Variants in CDK12 observed in about 807,000 individuals in gnomAD.
CDK12 encodes cyclin-dependent kinase 12.
CDK12 carries 17 observed loss-of-function variants against 133.8 expected under a neutral mutation model. The ratio of observed to expected loss-of-function variants is 0.13; its 90% CI spans 0.09 to 0.19. CDK12 has a LOEUF of 0.19. Among genes scored for constraint, CDK12 ranks in the 10% least tolerant of loss-of-function variants. The pLI is 1.00. For synonymous variants in CDK12, 694 were observed against 683.6 expected, an observed-to-expected ratio of 1.02 and a Z score of -0.24; for missense variants, 1,508 against 1,818.7, an observed-to-expected ratio of 0.83 and a Z score of 3.11.
chr17:39,492,888 C>T lies in CDK12; in HGVS notation c.2246C>T (p.Thr749Ile), dbSNP rs151279931. The T allele has an allele frequency of 1.3e-6, 2 of 1,598,748 alleles. No individual in the cohort carries two copies. Among genetic ancestry groups the T allele is most frequent in the Non-Finnish European group, 8.5e-7 (1 of 1,175,470 alleles). The stretch of plus-strand genomic sequence containing the variant: ...GTATATAAAGCCAAGGACAAAGACA[C>T]AGGTAAATATTGCCACAAAATTTTA... ...GQVYKAKDKD[T>I]GELVALKKVR... The change falls in exon 4 of 14, where the codon ACA becomes ATA. Residue 749 changes from threonine (T) to isoleucine (I), a missense_variant and splice_region_variant. Thr to Ile is a moderately conservative substitution (Grantham distance 89). This residue lies in a region of CDK12 where 74 missense variants were observed against 160.2 expected (regional missense o/e 0.46). Transcript: ENST00000447079.
chr17:39,492,730 TTTG>T lies in CDK12; in HGVS notation c.2109-15_2109-13del. 1 of 1,599,382 alleles carries T rather than the reference TTTG, an allele frequency of 6.3e-7. No individual in the cohort carries two copies. Among genetic ancestry groups the T allele is most frequent in the Non-Finnish European group, 8.5e-7 (1 of 1,173,112 alleles). ...GGCCTTCATTTTCTTAAATAACTAT[TTTG>T]TTGTTTTTACTTTTTAGAATTTGTT... On this transcript the variant is annotated intron_variant, in intron 3 of 13. Coordinates refer to ENST00000447079, the MANE Select transcript of CDK12 (RefSeq NM_016507.4).
chr17:39,462,549 G>T lies in CDK12; in HGVS notation c.478G>T (p.Asp160Tyr). 6.2e-7 allele frequency: 1 copy of T among 1,614,126 alleles called. No homozygotes were observed. The highest frequency in any genetic ancestry group is 1.1e-5 in the South Asian group (1 of 91,064). ...SSKRSNEETD[D>Y]YGKAQVAKSS... ...AAAGCGTTCGAATGAGGAGACTGAT[G>T]ACTATGGGAAGGCGCAGGTAGCCAA... The change falls in exon 1 of 14, where the codon GAC (aspartate) becomes TAC (tyrosine). Residue 160 changes from aspartate (D) to tyrosine (Y), a missense_variant. Coordinates refer to ENST00000447079, the MANE Select transcript of CDK12 (RefSeq NM_016507.4).
rs1479405420 is a variant in CDK12 at position 39,481,665 on chromosome 17, T to G, written c.1932-8892T>G. Among the ~76,000 whole-genome samples, 17 of 13,872 alleles carry G rather than the reference T, an allele frequency of 1.2e-3. 2 individuals carry two copies. The highest frequency in any genetic ancestry group is 2.0e-3 in the Non-Finnish European group (9 of 4,566). The allele number at this position is 13,872 out of a possible 152,430, so 9.1% of individuals were successfully genotyped here. On this transcript the variant is annotated intron_variant, in intron 2 of 13. Coordinates refer to ENST00000447079, the MANE Select transcript of CDK12 (RefSeq NM_016507.4). ...CTCTCTCTCTCTCTCTCTCTCTCTC[T>G]CTCTCTCTCTCTCTCTCTCTCTCTC...
At chr17:39,486,989 T>C (rs2051184105) in intron 2 of CDK12, among the ~76,000 whole-genome samples, 1 of 152,044 alleles carries the variant, frequency 6.6e-6, no homozygotes, top group South Asian at 2.1e-4. Flanking sequence ...ACCTGGGCAA[T>C]AGAGGGAGAC....
In CDK12 at chr17:39,526,177, G is replaced by C. The variant is rs1567784010; in HGVS notation, c.3621G>C (p.Gln1207His). Residue 1207 changes from glutamine to histidine, a missense_variant, in exon 13 of 14, where the codon CAG becomes CAC. Physicochemically the swap from Gln to His is conservative, Grantham distance 24 (BLOSUM62 0). Transcript: ENST00000447079. ...CTTCAAGCACACCAGCTGACATGCA[G>C]AATATATTGGCAGTTCTCTTGAGTC... ...LEASSTPADM[Q>H]NILAVLLSQL... is the part of the protein sequence containing the mutation. 2 of 1,614,166 alleles carry C rather than the reference G, an allele frequency of 1.2e-6. No individual in the cohort carries two copies. Among genetic ancestry groups the C allele is most frequent in the Non-Finnish European group, 1.7e-6 (2 of 1,180,044 alleles).
In CDK12 at chr17:39,524,871, C is replaced by T; in HGVS notation, c.3293C>T (p.Ala1098Val). The change falls in exon 12 of 14, where the codon GCT (alanine) becomes GTT (valine). Residue 1098 changes from alanine (A) to valine (V), a missense_variant. Coordinates refer to ENST00000447079, the MANE Select transcript of CDK12 (RefSeq NM_016507.4). The stretch of plus-strand genomic sequence containing the variant: ...GCTCCTGGCAAGGTGGAGTCTGGGG[C>T]TGGGGATGCAATAGGTCAGTGCCAG... ...QPAPGKVESG[A>V]GDAIGLADIT... is the part of the protein sequence containing the mutation. 1.2e-6 allele frequency: 2 copies of T among 1,613,506 alleles called. No homozygotes were observed. The highest frequency in any genetic ancestry group is 8.5e-7 in the Non-Finnish European group (1 of 1,179,640).
At chr17:39,513,499 G>T (rs1338378209) in intron 8 of CDK12, among the ~76,000 whole-genome samples, 1 of 152,130 alleles carries the variant, frequency 6.6e-6, no homozygotes, top group Non-Finnish European at 1.5e-5. Flanking sequence ...TGCTTTAACA[G>T]TATTAGCATT....
intron 3 of CDK12, among the ~76,000 whole-genome samples, chr17:39,562,236 C>T (rs2056399882): frequency 6.6e-6 from 1 of 152,208 alleles, no homozygotes; most frequent in Non-Finnish European, 1.5e-5. Context: ...CCGTGCCCAG[C>T]TGGGGACTAT....
intron 3 of CDK12, among the ~76,000 whole-genome samples, chr17:39,559,492 C>T (rs184558392): frequency 3.3e-5 from 5 of 152,292 alleles, no homozygotes; most frequent in African/African-American, 1.2e-4. Context: ...TTCCCTCTCA[C>T]CCACCTCATC....
At chr17:39,484,307 G>T (rs1025311121) in intron 2 of CDK12, among the ~76,000 whole-genome samples, 1 of 152,136 alleles carries the variant, frequency 6.6e-6, no homozygotes, top group African/African-American at 2.4e-5. Context: ...ATTACCACAT[G>T]TGAATTTGTG....
intron 1 of CDK12, among the ~76,000 whole-genome samples, chr17:39,467,603 A>G (rs1375726979): frequency 2.6e-5 from 4 of 152,172 alleles, no homozygotes; most frequent in East Asian, 1.9e-4. Flanking sequence ...AAGGGTTTCT[A>G]ACAGACTTCC....
At chr17:39,529,440 T>C (rs1270728691) in intron 13 of CDK12, among the ~76,000 whole-genome samples, 1 of 152,212 alleles carries the variant, frequency 6.6e-6, no homozygotes, top group Non-Finnish European at 1.5e-5. Flanking sequence ...AATTGAAGAA[T>C]GACTATATAT....
chr17:39,499,428 C>T (rs997305833), intron 5 of CDK12, among the ~76,000 whole-genome samples: 6 of 150,962 alleles, frequency 4.0e-5, no homozygotes, highest in African/African-American at 9.8e-5. Context: ...AGGCTTGTCT[C>T]GAACTCCTGA....
chr17:39,474,288 C>A (rs1178928163), intron 2 of CDK12, among the ~76,000 whole-genome samples: 1 of 152,140 alleles, frequency 6.6e-6, no homozygotes, highest in East Asian at 1.9e-4. Context: ...AATTCCCAAG[C>A]CTTCATTCCT....
At chr17:39,466,319 A>AG (rs1454550963) in intron 1 of CDK12, among the ~76,000 whole-genome samples, 2 of 151,074 alleles carry the variant, frequency 1.3e-5, no homozygotes, top group African/African-American at 2.4e-5. Flanking sequence ...AAAAAAAAAA[A>AG]AAAGAAAGAA....
chr17:39,526,400 C>A, intron 13 of CDK12, 84 bp downstream of exon 13: 3 of 1,004,256 alleles, frequency 3.0e-6, no homozygotes, highest in Non-Finnish European at 4.3e-6. Flanking sequence ...TTTTCCCCCA[C>A]ATCAATGGCC....
Position 39,462,429 on chromosome 17 carries a change from C to T in CDK12, c.358C>T (p.Arg120Trp), listed in dbSNP as rs752782484. The T allele has an allele frequency of 1.9e-6, 3 of 1,613,914 alleles. No homozygotes were observed. Among genetic ancestry groups the T allele is most frequent in the Admixed American group, 1.7e-5 (1 of 59,972 alleles). Reference protein sequence around the residue: ...KHRHHQHRRSRDLLKAKQTEK... With the variant: ...KHRHHQHRRSWDLLKAKQTEK... ...TCGTCACCACCAGCACAGGCGTTCC[C>T]GGGACTTACTAAAAGCTAAACAGAC... The change falls in exon 1 of 14, where the codon CGG becomes TGG. Residue 120 changes from arginine to tryptophan, a missense_variant. This residue lies in a region of CDK12 where 460 missense variants were observed against 490.8 expected (regional missense o/e 0.94). Coordinates refer to ENST00000447079, the MANE Select transcript of CDK12 (RefSeq NM_016507.4).
intron 6 of CDK12, among the ~76,000 whole-genome samples, chr17:39,503,581 G>A (rs1161256604): frequency 6.6e-6 from 1 of 152,198 alleles, no homozygotes; most frequent in Admixed American, 6.5e-5. Context: ...TTGCAGCTCC[G>A]TTTGGTGTCC....
downstream of CDK12, chr17:39,534,699 A>G: frequency 5.1e-6 from 1 of 195,608 alleles, no homozygotes; most frequent in Non-Finnish European, 1.1e-5. Flanking sequence ...AAAGGTTATC[A>G]GGATTTGAAG....
Sources: allele counts gnomAD v4.1 joint callset (sites outside exome capture counted in the v4.1 genomes callset), GRCh38; gene constraint gnomAD v4.1.1; regional missense constraint gnomAD v4.1.1; transcripts MANE v1.5; gene names NCBI Gene and HGNC (gene_info 2026-07-23, HGNC 2026-07-21).